GOT1L1: variants seen among roughly 807,000 people sequenced by gnomAD.
GOT1L1 encodes the protein aspartate aminotransferase, cytoplasmic 2.
In GOT1L1, 38 loss-of-function variants were observed where a neutral mutation model predicts 43.6. The ratio of observed to expected loss-of-function variants is 0.87; its 90% CI spans 0.67 to 1.14. The LOEUF (loss-of-function observed/expected upper bound fraction) is 1.14, where lower values mean the gene tolerates loss of function less well. Among genes scored for constraint, GOT1L1 ranks in the 50% most tolerant of loss-of-function variants. The pLI is 0.00. For synonymous variants in GOT1L1, 183 were observed against 187.2 expected, an observed-to-expected ratio of 0.98 and a Z score of 0.18; for missense variants, 482 against 504.0, an observed-to-expected ratio of 0.96 and a Z score of 0.42.
In GOT1L1 at chr8:37,939,416, G is replaced by GAAAAAAA. The variant is rs4058283; in HGVS notation, c.115+492_115+498dup. 1.8e-3 allele frequency among the ~76,000 whole-genome samples: 38 copies of GAAAAAAA among 21,384 alleles called. 1 individual carries two copies. Among genetic ancestry groups the GAAAAAAA allele is most frequent in the African/African-American group, 4.6e-3 (23 of 5,010 alleles). The allele number at this position is 21,384 out of a possible 152,430, so 14.0% of individuals were successfully genotyped here. A position where few individuals can be genotyped will look rare whatever the true frequency, so the allele number is the denominator to read the frequency against. ...GCAACAGAGTGAGGCCCTGTCTCAA[G>GAAAAAAA]AAAAAAAAAAAAAAAATATATATAT... On this transcript the variant is annotated intron_variant, in intron 1 of 8. Coordinates refer to ENST00000307599, the MANE Select transcript of GOT1L1 (RefSeq NM_152413.3).
In GOT1L1 at chr8:37,937,384, G is replaced by C. The variant is rs61735752; in HGVS notation, c.412C>G (p.Leu138Val). 0.033 allele frequency: 51,812 copies of C among 1,583,674 alleles called. 976 individuals carry two copies. Among genetic ancestry groups the C allele is most frequent in the Non-Finnish European group, 0.038 (44,605 of 1,164,168 alleles). ...ATGTCCTGGAAGACGAGTCCATGCA[G>C]TTCTGTGGGAACACAGCCCCCCACT... Reference protein sequence around the residue: ...IVYIISSQKELHGLVFQDMGF... With the variant: ...IVYIISSQKEVHGLVFQDMGF... Residue 138 changes from leucine (L) to valine (V), a missense_variant and splice_region_variant, in exon 4 of 9, where the codon CTG (leucine) becomes GTG (valine). Transcript: ENST00000307599.
chr8:37,939,441 T>A (rs1261978108), intron 1 of GOT1L1, among the ~76,000 whole-genome samples: 853 of 28,300 alleles, frequency 0.03, 32 homozygotes, highest in African/African-American at 0.18. Context: ...AATATATATA[T>A]ATATATATAT....
chr8:37,934,946 C>G, intron 8 of GOT1L1, 127 bp downstream of exon 8: 1 of 1,072,146 alleles, frequency 9.3e-7, no homozygotes, highest in Non-Finnish European at 1.3e-6. Context: ...TAAAGCAGCC[C>G]ATTTTCCAGA....
Position 37,935,089 on chromosome 8 carries a change from G to A in GOT1L1, c.1056C>T (p.Gly352=). The A allele has an allele frequency of 6.2e-7, 1 of 1,613,774 alleles. No individual in the cohort carries two copies. Among genetic ancestry groups the A allele is most frequent in the Non-Finnish European group, 8.5e-7 (1 of 1,179,726 alleles). Residue 352 remains glycine, a synonymous_variant, in exon 8 of 9, where the codon GGC becomes GGT. Coordinates refer to ENST00000307599, the MANE Select transcript of GOT1L1 (RefSeq NM_152413.3). ...GHITEQSGTH[G]YLGLNSQQVE... ...GACCCTTACAGTTGAGTCCAAGATA[G>A]CCGTGGGTCCCACTCTGCTCGGTGA...
intron 6 of GOT1L1, among the ~76,000 whole-genome samples, chr8:37,936,178 T>C (rs1486603163): frequency 6.6e-6 from 1 of 152,020 alleles, no homozygotes; most frequent in Non-Finnish European, 1.5e-5. Context: ...TGACCATCTC[T>C]CTCTGTTGCC....
Position 37,934,348 on chromosome 8 carries a change from C to A in GOT1L1, c.1211G>T (p.Ser404Ile), listed in dbSNP as rs1473362122. The A allele has an allele frequency of 6.2e-7, 1 of 1,613,718 alleles. No individual in the cohort carries two copies. The highest frequency in any genetic ancestry group is 1.3e-5 in the African/African-American group (1 of 74,904). Residue 404 changes from serine to isoleucine, a missense_variant, in exon 9 of 9, where the codon AGC becomes ATC. Transcript: ENST00000307599. Reference sequence around the variant, plus strand: ...TTCCTTTGGAAGACACATCTCTGAGCTCTCTGTGAGGAGGACAGCCTCATT... The same window carrying A: ...TTCCTTTGGAAGACACATCTCTGAGATCTCTGTGAGGAGGACAGCCTCATT... The part of the protein sequence containing the change: ...GINEAVLLTE[S>I]SEMCLPKEKK...
chr8:37,939,468 AT>A, intron 1 of GOT1L1, among the ~76,000 whole-genome samples: 1 of 133,680 alleles, frequency 7.5e-6, no homozygotes, highest in South Asian at 2.4e-4. Context: ...ATATATATAT[AT>A]ATATGCAAAA....
rs369438333 is a variant in GOT1L1, at chr8:37,936,837, A to G, written c.646T>C (p.Cys216Arg). Reference sequence around the variant, plus strand: ...AAGTCACTGGTGTATAAACCTTGACAGGGAATATCAAAAAATGGGAATATC... The same window carrying G: ...AAGTCACTGGTGTATAAACCTTGACGGGGAATATCAAAAAATGGGAATATC... ...KQIFPFFDIPCQGLYTSDLEE... is the reference protein window; with the variant it reads ...KQIFPFFDIPRQGLYTSDLEE... Residue 216 changes from cysteine to arginine, a missense_variant, in exon 6 of 9, where the codon TGT becomes CGT. Cys to Arg is a radical substitution (Grantham distance 180). Coordinates refer to ENST00000307599, the MANE Select transcript of GOT1L1 (RefSeq NM_152413.3). 4.0e-5 allele frequency: 65 copies of G among 1,610,904 alleles called. No homozygotes were observed. Among genetic ancestry groups the G allele is most frequent in the Middle Eastern group, 1.6e-4 (1 of 6,076 alleles).
In GOT1L1 at chr8:37,938,954, T is replaced by G. The variant is rs779590294; in HGVS notation, c.116-73A>C. 744 of 1,385,518 alleles carry G rather than the reference T, an allele frequency of 5.4e-4. 1 individual carries two copies. The highest frequency in any genetic ancestry group is 7.0e-4 in the Non-Finnish European group (690 of 987,348). 85.8% of individuals were successfully genotyped at this position (1,385,518 alleles called of 1,614,324 possible). A position where few individuals can be genotyped will look rare whatever the true frequency, so the allele number is the denominator to read the frequency against. On this transcript the variant is annotated intron_variant, in intron 1 of 8. Transcript: ENST00000307599. ...CCAGGGCTGAGCTCTGCAGACAGCC[T>G]GCAAACAAATCTCTCCTGGACTCCA...
Position 37,937,017 on chromosome 8 carries a change from A to T in GOT1L1, c.560T>A (p.Ile187Asn). 6.2e-7 allele frequency: 1 copy of T among 1,614,018 alleles called. No homozygotes were observed. Among genetic ancestry groups the T allele is most frequent in the Non-Finnish European group, 8.5e-7 (1 of 1,179,894 alleles). Reference protein sequence around the residue: ...HGCVLVMGNIIDCKLTPSGWA... With the variant: ...HGCVLVMGNINDCKLTPSGWA... The stretch of plus-strand genomic sequence containing the variant: ...CCCACTTGGTGTCAACTTGCAGTCG[A>T]TAATGTTCCCCATCACAAGGACACA... Residue 187 changes from isoleucine (I) to asparagine (N), a missense_variant, in exon 5 of 9, where the codon ATC (isoleucine) becomes AAC (asparagine). Ile to Asn is a moderately radical substitution (Grantham distance 149). Transcript: ENST00000307599.
chr8:37,937,448 A>G, intron 3 of GOT1L1, 62 bp from the exon 4 acceptor site: 1 of 1,192,974 alleles, frequency 8.4e-7, no homozygotes, highest in Non-Finnish European at 1.2e-6. Flanking sequence ...AGACAGAGGT[A>G]CTGGAGTGTG....
chr8:37,937,580 T>G, intron 3 of GOT1L1, 58 bp downstream of exon 3: 2 of 1,265,656 alleles, frequency 1.6e-6, no homozygotes, highest in Non-Finnish European at 2.3e-6. Context: ...GCAAATGGGG[T>G]GAGGATTAGG....
Position 37,938,690 on chromosome 8 carries a change from A to G in GOT1L1, c.297+10T>C. The G allele has an allele frequency of 1.9e-6, 3 of 1,563,936 alleles. No homozygotes were observed. Among genetic ancestry groups the G allele is most frequent in the Non-Finnish European group, 2.6e-6 (3 of 1,151,902 alleles). On this transcript the variant is annotated intron_variant, in intron 2 of 8. Coordinates refer to ENST00000307599, the MANE Select transcript of GOT1L1 (RefSeq NM_152413.3). ...GTCTAAATGAGCCAGGGGAGGGCCC[A>G]CCTTCTCACCCTGTTCTCCACAATG...
At chr8:37,936,925 G>A (rs1166802286) in intron 5 of GOT1L1, 40 bp downstream of exon 5, 8 of 1,610,450 alleles carry the variant, frequency 5.0e-6, no homozygotes, top group Non-Finnish European at 6.8e-6. Context: ...AGAGAGCAGA[G>A]AGTCAAAGAC....
Position 37,934,295 on chromosome 8 carries a change from A to G in GOT1L1, c.1264T>C (p.Ter422GlnextTer?), listed in dbSNP as rs572282316. The G allele has an allele frequency of 1.1e-5, 18 of 1,607,996 alleles. No homozygotes were observed. The highest frequency in any genetic ancestry group is 1.7e-5 in the Admixed American group (1 of 59,184). The change falls in exon 9 of 9, where the codon TAG becomes CAG. Residue 422 changes from the stop codon to glutamine, a stop_lost. Coordinates refer to ENST00000307599, the MANE Select transcript of GOT1L1 (RefSeq NM_152413.3). Reference sequence around the variant, plus strand: ...TCAGCACAAGATTTTTGCAAAGACTAAAGTTTTATTCCAATCAGTGTTTTT... The same window carrying G: ...TCAGCACAAGATTTTTGCAAAGACTGAAGTTTTATTCCAATCAGTGTTTTT... ...EKKTLIGIKL[*>Q]
Position 37,935,839 on chromosome 8 carries a change from G to A in GOT1L1, c.794C>T (p.Ala265Val). 2 of 1,612,920 alleles carry A rather than the reference G, an allele frequency of 1.2e-6. No individual in the cohort carries two copies. Among genetic ancestry groups the A allele is most frequent in the Non-Finnish European group, 1.7e-6 (2 of 1,179,428 alleles). ...ACACAGCAGCTGCTGGTTGTTGACT[G>A]CCACCACCACTAGCATCCCCACTCC... is the stretch of plus-strand genomic sequence containing the variant. ...DEGVGMLVVV[A>V]VNNQQLLCVL... The change falls in exon 7 of 9, where the codon GCA becomes GTA. Residue 265 changes from alanine (A) to valine (V), a missense_variant. Ala to Val is a moderately conservative substitution (Grantham distance 64). Coordinates refer to ENST00000307599, the MANE Select transcript of GOT1L1 (RefSeq NM_152413.3).
In GOT1L1 at chr8:37,935,930, C is replaced by T; in HGVS notation, c.764-61G>A. ...CTTCCTCCACTCCCAAGGCCTTCACCTAGATCTCAACCCCCAACCTTGCAG... is the reference window on the plus strand; with the variant it reads ...CTTCCTCCACTCCCAAGGCCTTCACTTAGATCTCAACCCCCAACCTTGCAG... On this transcript the variant is annotated intron_variant, in intron 6 of 8. Transcript: ENST00000307599. 10 of 1,558,540 alleles carry T rather than the reference C, an allele frequency of 6.4e-6. No individual in the cohort carries two copies. The South Asian group carries it at 1.1e-4, about 17-fold the overall frequency.
intron 8 of GOT1L1, chr8:37,934,830 C>T (rs1807701408): frequency 1.7e-6 from 1 of 575,266 alleles, no homozygotes; most frequent in East Asian, 2.9e-5. Flanking sequence ...CCCGCCTCGG[C>T]CTCTCAAAGT....
At position 37,934,495 on chromosome 8, in the gene GOT1L1, A is replaced by G. The variant is rs774977955; in HGVS notation, c.1073-9T>C. The G allele has an allele frequency of 1.1e-5, 17 of 1,605,788 alleles. No individual in the cohort carries two copies. Among genetic ancestry groups the G allele is most frequent in the Non-Finnish European group, 1.4e-5 (17 of 1,172,792 alleles). On this transcript the variant is annotated splice_polypyrimidine_tract_variant and intron_variant, in intron 8 of 8. Transcript: ENST00000307599. Reference sequence around the variant, plus strand: ...GTATTCCACCTGCTGGGCTAAAATCATGACAAGGTCTCAGATCTCGAGACT... The same window carrying G: ...GTATTCCACCTGCTGGGCTAAAATCGTGACAAGGTCTCAGATCTCGAGACT...
Sources: gnomAD v4.1 joint callset for allele counts (sites outside exome capture counted in the v4.1 genomes callset) on GRCh38, gnomAD v4.1.1 for gene constraint, MANE v1.5 for transcripts, NCBI Gene and HGNC (gene_info 2026-07-23, HGNC 2026-07-21) for gene names.